Variants in FIG4 observed in about 807,000 individuals in gnomAD.
FIG4 encodes polyphosphoinositide phosphatase.
FIG4 carries 112 observed loss-of-function variants against 118.6 expected under a neutral mutation model. The ratio of observed to expected loss-of-function variants is 0.94; its 90% CI spans 0.81 to 1.11. The LOEUF (loss-of-function observed/expected upper bound fraction) is 1.11. Ranked by LOEUF, FIG4 falls within the 50% of genes least tolerant of loss-of-function variation. The probability of loss-of-function intolerance (pLI) is 0.00; values close to 1 mark genes in which losing one functional copy is unlikely to be tolerated. For synonymous variants in FIG4, 369 were observed against 381.2 expected (o/e 0.97, Z 0.37); for missense variants, 969 against 1,111.7 (o/e 0.87, Z 1.83).
intron 22 of FIG4, among the ~76,000 whole-genome samples, chr6:109,799,963 A>G (rs1279991622): frequency 6.6e-6 from 1 of 152,220 alleles, no homozygotes; most frequent in Non-Finnish European, 1.5e-5. Flanking sequence ...ATCAGCCAAC[A>G]TTGACCGAAC....
At chr6:109,739,516 A>T (rs1776260545) in intron 7 of FIG4, among the ~76,000 whole-genome samples, 1 of 152,152 alleles carries the variant, frequency 6.6e-6, no homozygotes, top group East Asian at 1.9e-4. Context: ...TCTTAGTTTT[A>T]TTCTCTTTAG....
Position 109,691,479 on chromosome 6 carries a change from T to C in FIG4, c.44T>C (p.Leu15Pro), listed in dbSNP as rs1774394110. The change falls in exon 1 of 23, where the codon CTG (leucine) becomes CCG (proline). Residue 15 changes from leucine (L) to proline (P), a missense_variant. By Grantham distance (98) the Leu-to-Pro change is moderately conservative. Transcript: ENST00000230124. ...CCCATCATCAGCTCGGTCCAGAAGC[T>C]GGTTCTGTATGAGACTAGAGCTGTG... is the stretch of plus-strand genomic sequence containing the variant. ...AAPIISSVQKLVLYETRARYF... is the reference protein window; with the variant it reads ...AAPIISSVQKPVLYETRARYF... The C allele has an allele frequency of 6.3e-7, 1 of 1,584,140 alleles. No homozygotes were observed.
At chr6:109,743,888 G>A in intron 10 of FIG4, 116 bp downstream of exon 10, 1 of 792,940 alleles carries the variant, frequency 1.3e-6, no homozygotes, top group Non-Finnish European at 2.2e-6. Context: ...GAGACGTGCA[G>A]ATTATTATGC....
chr6:109,721,232 A>G (rs2128382539), intron 3 of FIG4, among the ~76,000 whole-genome samples: 1 of 152,330 alleles, frequency 6.6e-6, no homozygotes, highest in South Asian at 2.1e-4. Context: ...TGTGAGTCTC[A>G]GACTAGTTAG....
intron 22 of FIG4, among the ~76,000 whole-genome samples, chr6:109,822,845 G>A (rs979639376): frequency 2.3e-5 from 3 of 130,172 alleles, no homozygotes; most frequent in Non-Finnish European, 1.6e-5. Flanking sequence ...CTTCAGCATT[G>A]TTTTTAAAGA....
rs571649446 is a variant in FIG4, at chr6:109,795,095, G to GTTTTTTTTTTTTTTTTTT, written c.2460-1647_2460-1630dup. ...TCCTCAAAGCTTCATACACTTGCCA[G>GTTTTTTTTTTTTTTTTTT]TTTTTTTTTTTTTTTTTTTTTTTTT... On this transcript the variant is annotated intron_variant, in intron 21 of 22. Transcript: ENST00000230124. 3.8e-4 allele frequency among the ~76,000 whole-genome samples: 22 copies of GTTTTTTTTTTTTTTTTTT among 57,194 alleles called. 6 individuals are homozygous for GTTTTTTTTTTTTTTTTTT. The highest frequency in any genetic ancestry group is 6.3e-4 in the Non-Finnish European group (18 of 28,706). 37.5% of individuals were successfully genotyped at this position (57,194 alleles called of 152,430 possible).
chr6:109,762,836 C>G (rs1468996511), intron 12 of FIG4, among the ~76,000 whole-genome samples: 2 of 151,908 alleles, frequency 1.3e-5, no homozygotes, highest in African/African-American at 4.8e-5. Flanking sequence ...AAGACTAGTC[C>G]CAGATTTCAG....
Position 109,727,270 on chromosome 6 carries a change from G to C in FIG4, c.446+5G>C, listed in dbSNP as rs370857139. On this transcript the variant is annotated splice_donor_5th_base_variant and intron_variant, in intron 4 of 22. Transcript: ENST00000230124. ...TACTCATCCTGATGAAGCTAGGTAT[G>C]TATGGTGGTAACTACCTTTTTTTTT... 5.3e-5 allele frequency: 84 copies of C among 1,587,224 alleles called. No individual in the cohort carries two copies. Among genetic ancestry groups the C allele is most frequent in the Admixed American group, 7.0e-5 (4 of 57,230 alleles).
chr6:109,804,904 A>G (rs1440063422), intron 22 of FIG4, among the ~76,000 whole-genome samples: 7 of 152,194 alleles, frequency 4.6e-5, no homozygotes, highest in East Asian at 1.9e-4. Context: ...TCCCCAGTCC[A>G]TACCGTGATA....
chr6:109,706,108 A>T (rs1333960116), intron 1 of FIG4, among the ~76,000 whole-genome samples: 1 of 152,264 alleles, frequency 6.6e-6, no homozygotes, highest in Non-Finnish European at 1.5e-5. Context: ...ATTAAAATCC[A>T]CAGAGGTTAA....
At chr6:109,782,909 T>TCAAC (rs1285935463) in intron 16 of FIG4, among the ~76,000 whole-genome samples, 1 of 152,216 alleles carries the variant, frequency 6.6e-6, no homozygotes, top group East Asian at 1.9e-4. Context: ...GTTGCTGGGA[T>TCAAC]CAACATCACT....
chr6:109,821,113 G>A (rs182544377), intron 22 of FIG4, among the ~76,000 whole-genome samples: 3 of 152,272 alleles, frequency 2.0e-5, no homozygotes, highest in South Asian at 2.1e-4. Context: ...GAACCCAAAC[G>A]GCCAAAGCTC....
chr6:109,737,469 A>G (rs1210773357), intron 6 of FIG4, among the ~76,000 whole-genome samples: 1 of 152,134 alleles, frequency 6.6e-6, no homozygotes, highest in African/African-American at 2.4e-5. Flanking sequence ...TCTCTCGTGT[A>G]ATGCATTGAA....
At chr6:109,726,901 C>G (rs1463168491) in intron 3 of FIG4, among the ~76,000 whole-genome samples, 1 of 151,966 alleles carries the variant, frequency 6.6e-6, no homozygotes, top group Non-Finnish European at 1.5e-5. Context: ...TGATTTGGCT[C>G]TGTTTAGAGT....
At chr6:109,774,394 T>C (rs1303509768) in intron 15 of FIG4, among the ~76,000 whole-genome samples, 1 of 152,202 alleles carries the variant, frequency 6.6e-6, no homozygotes, top group Non-Finnish European at 1.5e-5. Flanking sequence ...GCTTTGTGCA[T>C]TTAGAGTTGT....
chr6:109,792,439 T>C, intron 20 of FIG4, 143 bp from the exon 21 acceptor site: 1 of 609,036 alleles, frequency 1.6e-6, no homozygotes, highest in Non-Finnish European at 2.9e-6. Context: ...AACCATCAAC[T>C]AAGAAGTTTA....
intron 5 of FIG4, among the ~76,000 whole-genome samples, chr6:109,733,046 C>T (rs1776054448): frequency 6.6e-6 from 1 of 151,986 alleles, no homozygotes; most frequent in South Asian, 2.1e-4. Flanking sequence ...AGTAAATAAT[C>T]TGGCAAAATT....
chr6:109,810,435 G>A (rs1003983611), intron 22 of FIG4, among the ~76,000 whole-genome samples: 11 of 152,148 alleles, frequency 7.2e-5, no homozygotes, highest in Admixed American at 4.6e-4. Context: ...CCTTGCTGGT[G>A]CATGGGCTAG....
intron 10 of FIG4, among the ~76,000 whole-genome samples, chr6:109,753,355 A>G (rs1776772833): frequency 6.6e-6 from 1 of 151,826 alleles, no homozygotes; most frequent in Non-Finnish European, 1.5e-5. Flanking sequence ...GCCTTGTAGT[A>G]TAGTTTGAAG....
Sources: allele counts gnomAD v4.1 joint callset (sites outside exome capture counted in the v4.1 genomes callset), GRCh38; gene constraint gnomAD v4.1.1; transcripts MANE v1.5; gene names NCBI Gene and HGNC (gene_info 2026-07-23, HGNC 2026-07-21).